PODXL: variants seen among roughly 807,000 people sequenced by gnomAD.
PODXL encodes the protein podocalyxin.
In PODXL, 20 loss-of-function variants were observed where a neutral mutation model predicts 48.9. The ratio of observed to expected loss-of-function variants is 0.41; its 90% CI spans 0.29 to 0.59. PODXL has a LOEUF of 0.59. PODXL is among the 20% of genes least tolerant of loss of function. PODXL has a pLI of 0.31. For synonymous variants in PODXL, 295 were observed against 287.4 expected (o/e 1.03, Z -0.27); for missense variants, 606 against 675.1 (o/e 0.90, Z 1.13).
intron 1 of PODXL, among the ~76,000 whole-genome samples, chr7:131,526,669 G>GA (rs1562910639): frequency 6.6e-6 from 1 of 150,940 alleles, no homozygotes; most frequent in African/African-American, 2.4e-5. Flanking sequence ...AAACACTTTG[G>GA]AAAAGAGTGT....
intron 1 of PODXL, among the ~76,000 whole-genome samples, chr7:131,539,577 C>A (rs1798441614): frequency 6.6e-6 from 1 of 152,216 alleles, no homozygotes; most frequent in Non-Finnish European, 1.5e-5. Context: ...GATCAGCCTC[C>A]CAAAGTGCTG....
At chr7:131,550,212 C>T (rs1237191548) in intron 1 of PODXL, among the ~76,000 whole-genome samples, 3 of 152,248 alleles carry the variant, frequency 2.0e-5, no homozygotes, top group African/African-American at 7.2e-5. Context: ...TGCATGGTGG[C>T]CAGTGCTATG....
In PODXL at chr7:131,502,727, A is replaced by G. The variant is rs1232756075; in HGVS notation, c.*1584T>C. ...ATGGCGAAAGTTCAACATTCCACAC[A>G]GGATTCCCCCTTCTCAATCAGATGA... is the stretch of plus-strand genomic sequence containing the variant. On this transcript the variant is annotated 3_prime_UTR_variant, in exon 9 of 9. Coordinates refer to ENST00000378555, the MANE Select transcript of PODXL (RefSeq NM_001018111.3). 4 of 152,672 alleles carry G rather than the reference A, an allele frequency of 2.6e-5. No individual in the cohort carries two copies. Among genetic ancestry groups the G allele is most frequent in the Non-Finnish European group, 4.4e-5 (3 of 68,072 alleles). 9.5% of individuals were successfully genotyped at this position (152,672 alleles called of 1,614,324 possible).
chr7:131,526,672 A>T (rs748196264), intron 1 of PODXL, among the ~76,000 whole-genome samples: 9 of 151,142 alleles, frequency 6.0e-5, no homozygotes, highest in Non-Finnish European at 1.2e-4. Context: ...CACTTTGGAA[A>T]AGAGTGTGGC....
chr7:131,539,559 G>A (rs191423735), intron 1 of PODXL, among the ~76,000 whole-genome samples: 1 of 152,306 alleles, frequency 6.6e-6, no homozygotes, highest in African/African-American at 2.4e-5. Context: ...TTGAAGTCCT[G>A]ACCTCGTGAT....
chr7:131,546,346 A>G (rs1203369234), intron 1 of PODXL, among the ~76,000 whole-genome samples: 1 of 152,144 alleles, frequency 6.6e-6, no homozygotes, highest in Middle Eastern at 3.2e-3. Context: ...GTAGAAAGAG[A>G]GCCAAGAGGT....
At chr7:131,523,149 A>C (rs1017852454) in intron 1 of PODXL, among the ~76,000 whole-genome samples, 2 of 152,176 alleles carry the variant, frequency 1.3e-5, no homozygotes, top group Non-Finnish European at 2.9e-5. Context: ...GTCAATCAGC[A>C]ATTTTTTTGT....
chr7:131,522,759 C>T (rs116929659), intron 1 of PODXL, among the ~76,000 whole-genome samples: 2,665 of 152,328 alleles, frequency 0.017, 88 homozygotes, highest in Admixed American at 0.077. Flanking sequence ...TCATACACTA[C>T]GTGGTCTTCT....
At chr7:131,517,958 C>T (rs1363293445) in intron 1 of PODXL, among the ~76,000 whole-genome samples, 1 of 152,124 alleles carries the variant, frequency 6.6e-6, no homozygotes, top group Non-Finnish European at 1.5e-5. Context: ...AGGCTGGTCT[C>T]GAACTCCTGA....
At chr7:131,509,899 C>T (rs752936216) in intron 3 of PODXL, among the ~76,000 whole-genome samples, 4 of 152,298 alleles carry the variant, frequency 2.6e-5, no homozygotes, top group Admixed American at 6.5e-5. Flanking sequence ...ACTGAGGCTC[C>T]GAGGGGCTCA....
chr7:131,539,611 G>T (rs576078821), intron 1 of PODXL, among the ~76,000 whole-genome samples: 115 of 152,310 alleles, frequency 7.6e-4, no homozygotes, highest in South Asian at 1.5e-3. Context: ...GAGCCACCAC[G>T]CCCAGTCCCC....
In PODXL at chr7:131,511,173, CGAT is replaced by C. The variant is rs747345811; in HGVS notation, c.358_360del (p.Ile120del). 2.5e-6 allele frequency: 4 copies of C among 1,613,860 alleles called. No individual in the cohort carries two copies. The highest frequency in any genetic ancestry group is 2.5e-6 in the Non-Finnish European group (3 of 1,179,968). ...GCACTTTTTGTGCTCTTGGGGCTCT[CGAT>C]GGTGGTAGTAGGGTTGCCTGAGCCG... On this transcript the variant is annotated inframe_deletion, in exon 2 of 9. Transcript: ENST00000378555.
chr7:131,522,840 A>G (rs1444770146), intron 1 of PODXL, among the ~76,000 whole-genome samples: 1 of 152,192 alleles, frequency 6.6e-6, no homozygotes, highest in Admixed American at 6.5e-5. Flanking sequence ...TGGTTCATCC[A>G]TGCTAGCATG....
At chr7:131,539,298 A>G (rs563097032) in intron 1 of PODXL, among the ~76,000 whole-genome samples, 4 of 152,312 alleles carry the variant, frequency 2.6e-5, no homozygotes, top group Admixed American at 2.6e-4. Context: ...AGACATATCT[A>G]TCTTGGAACA....
chr7:131,540,123 G>T (rs750193219), intron 1 of PODXL, among the ~76,000 whole-genome samples: 7 of 152,072 alleles, frequency 4.6e-5, no homozygotes, highest in Non-Finnish European at 8.8e-5. Context: ...GCTCACTGCA[G>T]CTTCAACCTC....
At chr7:131,523,069 G>A (rs1376967245) in intron 1 of PODXL, among the ~76,000 whole-genome samples, 1 of 152,116 alleles carries the variant, frequency 6.6e-6, no homozygotes, top group Non-Finnish European at 1.5e-5. Context: ...TAGGTCATAT[G>A]GTAACTCTTT....
At chr7:131,549,993 C>T (rs956038481) in intron 1 of PODXL, among the ~76,000 whole-genome samples, 2 of 152,252 alleles carry the variant, frequency 1.3e-5, no homozygotes, top group African/African-American at 4.8e-5. Flanking sequence ...CGATTCAGGG[C>T]AGGGCCAGGA....
chr7:131,544,718 T>C (rs1358998615), intron 1 of PODXL, among the ~76,000 whole-genome samples: 1 of 152,126 alleles, frequency 6.6e-6, no homozygotes. Flanking sequence ...GGACTGCATC[T>C]GGCTGAACAA....
chr7:131,515,570 T>A (rs1306354317), intron 1 of PODXL, among the ~76,000 whole-genome samples: 1 of 151,994 alleles, frequency 6.6e-6, no homozygotes, highest in African/African-American at 2.4e-5. Flanking sequence ...CCCAACTAAT[T>A]TTTTGTATTT....
Sources: gnomAD v4.1 joint callset for allele counts (sites outside exome capture counted in the v4.1 genomes callset) on GRCh38, gnomAD v4.1.1 for gene constraint, MANE v1.5 for transcripts, NCBI Gene and HGNC (gene_info 2026-07-23, HGNC 2026-07-21) for gene names.